Variants in TRABD2B observed in about 807,000 individuals in gnomAD.
The protein encoded by TRABD2B is TraB domain containing 2B.
A neutral mutation model predicts 40.1 loss-of-function variants in TRABD2B; 14 were observed. The ratio of observed to expected loss-of-function variants is 0.35; its 90% CI spans 0.23 to 0.55. TRABD2B has a LOEUF of 0.55. Ranked by LOEUF, TRABD2B falls within the 20% of genes least tolerant of loss-of-function variation. The probability of loss-of-function intolerance (pLI) is 0.90; values close to 1 mark genes in which losing one functional copy is unlikely to be tolerated. For synonymous variants in TRABD2B, 263 were observed against 277.0 expected, an observed-to-expected ratio of 0.95 and a Z score of 0.50; for missense variants, 541 against 648.6, an observed-to-expected ratio of 0.83 and a Z score of 1.80.
chr1:47,907,688 T>G (rs543309707), intron 2 of TRABD2B, among the ~76,000 whole-genome samples: 1 of 152,270 alleles, frequency 6.6e-6, no homozygotes, highest in East Asian at 1.9e-4. Flanking sequence ...AGGAGGAGGA[T>G]CCCAGGTCGC....
chr1:47,914,414 G>T (rs566433385), intron 2 of TRABD2B, among the ~76,000 whole-genome samples: 3 of 152,198 alleles, frequency 2.0e-5, no homozygotes, highest in African/African-American at 7.2e-5. Flanking sequence ...CAGATTCCGC[G>T]GTGCCCGCTG....
intron 2 of TRABD2B, among the ~76,000 whole-genome samples, chr1:47,951,148 G>T (rs1012830979): frequency 6.6e-6 from 1 of 152,306 alleles, no homozygotes; most frequent in South Asian, 2.1e-4. Flanking sequence ...TTCCTCCCCA[G>T]CGCCAAGCCA....
At chr1:47,952,014 C>T (rs1645352226) in intron 2 of TRABD2B, among the ~76,000 whole-genome samples, 1 of 152,218 alleles carries the variant, frequency 6.6e-6, no homozygotes, top group Non-Finnish European at 1.5e-5. Context: ...CGCTCAGCAC[C>T]CTCAGTGCCC....
chr1:47,832,556 T>C (rs1265079518), intron 2 of TRABD2B, among the ~76,000 whole-genome samples: 1 of 152,168 alleles, frequency 6.6e-6, no homozygotes, highest in African/African-American at 2.4e-5. Flanking sequence ...TTTAAATGGC[T>C]ATAATTCTTC....
Position 47,997,302 on chromosome 1 carries a change from C to T in TRABD2B, c.-513G>A. 1 of 866,444 alleles carries T rather than the reference C, an allele frequency of 1.2e-6. No individual in the cohort carries two copies. Among genetic ancestry groups the T allele is most frequent in the Non-Finnish European group, 1.4e-6 (1 of 724,092 alleles). The allele number at this position is 866,444 out of a possible 1,614,324, so 53.7% of individuals were successfully genotyped here. On this transcript the variant is annotated 5_prime_UTR_variant, in exon 1 of 7. Coordinates refer to ENST00000606738, the MANE Select transcript of TRABD2B (RefSeq NM_001194986.2). The stretch of plus-strand genomic sequence containing the variant: ...CTGGGGCGACCGGCTGCCCCCGAGC[C>T]CGGCTCAGAGGGGCGGCGGGCGGCC...
chr1:47,935,387 A>T (rs1557666197), intron 2 of TRABD2B, among the ~76,000 whole-genome samples: 2 of 152,114 alleles, frequency 1.3e-5, no homozygotes, highest in East Asian at 3.9e-4. Flanking sequence ...ATGTGTTCGC[A>T]CCCGTCGTCA....
intron 2 of TRABD2B, among the ~76,000 whole-genome samples, chr1:47,909,540 A>G (rs1416105792): frequency 4.3e-5 from 5 of 117,060 alleles, no homozygotes; most frequent in South Asian, 3.8e-4. Context: ...GAAGGAGGAG[A>G]AGGAGGAGAA....
In TRABD2B at chr1:47,763,167, T is replaced by C. The variant is rs1644262395; in HGVS notation, c.*2735A>G. Reference sequence around the variant, plus strand: ...GTTCTCTGGCCCAGGATGAGAGAATTCAAGTGCCCCAGACATGCAGATTCC... The same window carrying C: ...GTTCTCTGGCCCAGGATGAGAGAATCCAAGTGCCCCAGACATGCAGATTCC... On this transcript the variant is annotated 3_prime_UTR_variant, in exon 7 of 7. Coordinates refer to ENST00000606738, the MANE Select transcript of TRABD2B (RefSeq NM_001194986.2). The C allele has an allele frequency of 6.6e-6, 1 of 152,182 alleles. No individual in the cohort carries two copies. Among genetic ancestry groups the C allele is most frequent in the African/African-American group, 2.4e-5 (1 of 41,432 alleles). 9.4% of individuals were successfully genotyped at this position (152,182 alleles called of 1,614,324 possible). A position where few individuals can be genotyped will look rare whatever the true frequency, so the allele number is the denominator to read the frequency against.
At chr1:47,885,672 G>C (rs1359218837) in intron 2 of TRABD2B, among the ~76,000 whole-genome samples, 1 of 152,148 alleles carries the variant, frequency 6.6e-6, no homozygotes, top group East Asian at 1.9e-4. Flanking sequence ...CAAGTAGCTC[G>C]GTGGCCGGGA....
At chr1:47,987,383 T>TGA (rs1170795207) in intron 2 of TRABD2B, among the ~76,000 whole-genome samples, 2 of 152,190 alleles carry the variant, frequency 1.3e-5, no homozygotes, top group Non-Finnish European at 2.9e-5. Flanking sequence ...CCTAATGTTC[T>TGA]GAGATTTCAC....
At chr1:47,864,873 C>G (rs545854706) in intron 2 of TRABD2B, among the ~76,000 whole-genome samples, 1 of 152,310 alleles carries the variant, frequency 6.6e-6, no homozygotes, top group Non-Finnish European at 1.5e-5. Context: ...GTTACCCCAA[C>G]AGCACCCAGG....
At chr1:47,819,833 C>T (rs1645082225) in intron 2 of TRABD2B, 1 of 152,188 alleles carries the variant, frequency 6.6e-6, no homozygotes, top group Non-Finnish European at 1.5e-5. Flanking sequence ...GAATCCGATA[C>T]AGTTGCATCC....
At chr1:47,826,096 G>A (rs373486648) in intron 2 of TRABD2B, among the ~76,000 whole-genome samples, 2 of 152,184 alleles carry the variant, frequency 1.3e-5, no homozygotes, top group African/African-American at 4.8e-5. Context: ...TTGGAAGGTC[G>A]CATGTAGTTT....
chr1:47,948,017 T>C (rs1645284152), intron 2 of TRABD2B, among the ~76,000 whole-genome samples: 1 of 152,174 alleles, frequency 6.6e-6, no homozygotes, highest in African/African-American at 2.4e-5. Context: ...CAAAAGGCTC[T>C]GAGACTTTTG....
At chr1:47,941,599 T>C (rs1303964283) in intron 2 of TRABD2B, among the ~76,000 whole-genome samples, 1 of 152,242 alleles carries the variant, frequency 6.6e-6, no homozygotes. Context: ...GTCTCAGTTC[T>C]CCATGTATAA....
chr1:47,839,298 A>G (rs1211683446), intron 2 of TRABD2B, among the ~76,000 whole-genome samples: 1 of 152,076 alleles, frequency 6.6e-6, no homozygotes, highest in Non-Finnish European at 1.5e-5. Flanking sequence ...GACATATGGG[A>G]TGGCCTTTAG....
At chr1:47,960,441 G>A (rs1391590701) in intron 2 of TRABD2B, among the ~76,000 whole-genome samples, 3 of 152,150 alleles carry the variant, frequency 2.0e-5, no homozygotes, top group Non-Finnish European at 4.4e-5. Context: ...GTTTGCAGAT[G>A]ACATGATTGT....
chr1:47,814,767 G>A (rs1216695324), intron 2 of TRABD2B, among the ~76,000 whole-genome samples: 2 of 152,212 alleles, frequency 1.3e-5, no homozygotes, highest in African/African-American at 4.8e-5. Context: ...GACAGTCCAG[G>A]GAACAGATAC....
chr1:47,893,847 C>A (rs899311384), intron 2 of TRABD2B, among the ~76,000 whole-genome samples: 1 of 152,054 alleles, frequency 6.6e-6, no homozygotes, highest in Admixed American at 6.6e-5. Context: ...TTGGACTCTG[C>A]GGGGGCCCAA....
Sources: allele counts gnomAD v4.1 joint callset (sites outside exome capture counted in the v4.1 genomes callset), GRCh38; gene constraint gnomAD v4.1.1; transcripts MANE v1.5; gene names NCBI Gene and HGNC (gene_info 2026-07-23, HGNC 2026-07-21).